FMNL2: variants seen among roughly 807,000 people sequenced by gnomAD.
The protein encoded by FMNL2 is formin like 2.
A neutral mutation model predicts 130.2 loss-of-function variants in FMNL2; 51 were observed. That is an observed-to-expected ratio of 0.39 (90% CI 0.31 to 0.49). FMNL2 has a LOEUF of 0.49. Ranked by LOEUF, FMNL2 falls within the 20% of genes least tolerant of loss-of-function variation. The pLI is 0.85. For missense variants in FMNL2, 977 were observed against 1,316.2 expected, an observed-to-expected ratio of 0.74 and a Z score of 3.99; for synonymous variants, 465 against 467.1, an observed-to-expected ratio of 1.00 and a Z score of 0.06.
At chr2:152,356,842 T>C (rs1364383773) in intron 1 of FMNL2, among the ~76,000 whole-genome samples, 1 of 151,868 alleles carries the variant, frequency 6.6e-6, no homozygotes, top group Non-Finnish European at 1.5e-5. Context: ...ATGTGCCTTA[T>C]GGAGAAGATA....
At chr2:152,545,011 A>G (rs1320760070) in intron 3 of FMNL2, among the ~76,000 whole-genome samples, 1 of 152,204 alleles carries the variant, frequency 6.6e-6, no homozygotes, top group Admixed American at 6.5e-5. Flanking sequence ...GCCCTGGCCC[A>G]TGTGCGTTCA....
At chr2:152,547,651 G>C (rs1355083987) in intron 3 of FMNL2, among the ~76,000 whole-genome samples, 1 of 152,140 alleles carries the variant, frequency 6.6e-6, no homozygotes, top group Non-Finnish European at 1.5e-5. Flanking sequence ...CCAGGTGTGG[G>C]CGTAGCTCTT....
At chr2:152,573,528 G>C (rs987138244) in intron 6 of FMNL2, among the ~76,000 whole-genome samples, 1 of 152,030 alleles carries the variant, frequency 6.6e-6, no homozygotes, top group African/African-American at 2.4e-5. Context: ...AATGTCTCTG[G>C]GCTTCCGTTT....
intron 1 of FMNL2, among the ~76,000 whole-genome samples, chr2:152,502,836 C>T (rs1691924819): frequency 6.6e-6 from 1 of 152,006 alleles, no homozygotes; most frequent in Non-Finnish European, 1.5e-5. Context: ...GGGTTTATTT[C>T]CTTCATGACA....
At chr2:152,625,107 C>G (rs1681687105) in intron 15 of FMNL2, 1 of 232,032 alleles carries the variant, frequency 4.3e-6, no homozygotes, top group African/African-American at 2.2e-5. Context: ...TCTTTGCTCT[C>G]CAACACTTTT....
At chr2:152,488,719 G>C (rs1368064211) in intron 1 of FMNL2, among the ~76,000 whole-genome samples, 5 of 152,084 alleles carry the variant, frequency 3.3e-5, no homozygotes, top group African/African-American at 1.2e-4. Context: ...CCACATTAAT[G>C]CCTTTGAGCT....
intron 1 of FMNL2, among the ~76,000 whole-genome samples, chr2:152,412,446 T>TTA (rs56681937): frequency 3.9e-4 from 40 of 103,152 alleles, no homozygotes; most frequent in African/African-American, 8.6e-4. Flanking sequence ...TCTGTATATT[T>TTA]TATATATATA....
rs115528266 is a variant in FMNL2, at chr2:152,385,540, C to A, written c.117+49820C>A. Among the ~76,000 whole-genome samples the A allele has an allele frequency of 6.0e-4, 91 of 152,218 alleles. 3 individuals carry two copies. In the East Asian group the frequency reaches 0.016, roughly 26 times the overall value. On this transcript the variant is annotated intron_variant, in intron 1 of 25. Coordinates refer to ENST00000288670, the MANE Select transcript of FMNL2 (RefSeq NM_052905.4). ...GCCCTATGAATGTGTAATATGTTGT[C>A]GACCAGATGGTCATATAATGCTCAC...
chr2:152,632,210 T>C (rs1682221853), intron 21 of FMNL2, 73 bp downstream of exon 21: 1 of 1,542,076 alleles, frequency 6.5e-7, no homozygotes, highest in Non-Finnish European at 8.7e-7. Flanking sequence ...CATTCCCTGC[T>C]TAAACACTTT....
chr2:152,431,268 T>TTA (rs1321103387), intron 1 of FMNL2, among the ~76,000 whole-genome samples: 1 of 152,218 alleles, frequency 6.6e-6, no homozygotes, highest in Admixed American at 6.5e-5. Flanking sequence ...CATAGGCTTA[T>TTA]TATAAGGCTC....
At chr2:152,355,039 G>A (rs991300201) in intron 1 of FMNL2, among the ~76,000 whole-genome samples, 1 of 152,162 alleles carries the variant, frequency 6.6e-6, no homozygotes, top group African/African-American at 2.4e-5. Flanking sequence ...ACTCTAAGAA[G>A]GTCCAGATGA....
chr2:152,472,147 T>A (rs1689894767), intron 1 of FMNL2, among the ~76,000 whole-genome samples: 1 of 152,250 alleles, frequency 6.6e-6, no homozygotes, highest in Admixed American at 6.5e-5. Context: ...CTTTCTACAT[T>A]ATAATAGCAC....
At chr2:152,505,255 G>A (rs1692098718) in intron 1 of FMNL2, among the ~76,000 whole-genome samples, 1 of 152,066 alleles carries the variant, frequency 6.6e-6, no homozygotes, top group Non-Finnish European at 1.5e-5. Context: ...GTGAAAACCA[G>A]CCACTGGGTT....
chr2:152,632,263 C>T, intron 21 of FMNL2, 126 bp downstream of exon 21: 1 of 1,293,474 alleles, frequency 7.7e-7, no homozygotes, highest in South Asian at 1.4e-5. Flanking sequence ...GTCAGACACA[C>T]TGAGCTGGAA....
At chr2:152,337,452 GAC>G (rs1681540542) in intron 1 of FMNL2, among the ~76,000 whole-genome samples, 1 of 151,564 alleles carries the variant, frequency 6.6e-6, no homozygotes, top group African/African-American at 2.4e-5. Flanking sequence ...AGGAGCCAGT[GAC>G]ACAGGGAAAC....
intron 1 of FMNL2, among the ~76,000 whole-genome samples, chr2:152,454,882 C>A (rs189722385): frequency 6.6e-6 from 1 of 152,300 alleles, no homozygotes; most frequent in Non-Finnish European, 1.5e-5. Context: ...TACTCTGATT[C>A]TCAGGGCATT....
At chr2:152,517,569 G>A (rs1031454575) in intron 1 of FMNL2, among the ~76,000 whole-genome samples, 1 of 152,166 alleles carries the variant, frequency 6.6e-6, no homozygotes, top group Non-Finnish European at 1.5e-5. Context: ...GTAGTGGGGG[G>A]AAGGTTCTAA....
Position 152,607,470 on chromosome 2 carries a change from T to TACACAC in FMNL2, c.951+89_951+94dup, listed in dbSNP as rs3080598. The stretch of plus-strand genomic sequence containing the variant: ...TCAGTTTCAATACTTTTTTTCTAAA[T>TACACAC]ACACACACACACACACACACACACA... On this transcript the variant is annotated intron_variant, in intron 10 of 25. Transcript: ENST00000288670. 1.1e-3 allele frequency: 654 copies of TACACAC among 617,982 alleles called. 1 individual carries two copies. Among genetic ancestry groups the TACACAC allele is most frequent in the South Asian group, 4.5e-3 (215 of 47,658 alleles). 38.3% of individuals were successfully genotyped at this position (617,982 alleles called of 1,614,324 possible).
At chr2:152,436,508 T>C (rs1455836746) in intron 1 of FMNL2, among the ~76,000 whole-genome samples, 3 of 152,180 alleles carry the variant, frequency 2.0e-5, no homozygotes, top group Non-Finnish European at 4.4e-5. Context: ...AAAATTTCAG[T>C]GGCCTATTGT....
Sources: allele counts gnomAD v4.1 joint callset (sites outside exome capture counted in the v4.1 genomes callset), GRCh38; gene constraint gnomAD v4.1.1; transcripts MANE v1.5; gene names NCBI Gene and HGNC (gene_info 2026-07-23, HGNC 2026-07-21).